The following MAGI1 variants were observed in gnomAD, a reference collection of about 807,000 sequenced individuals.
The protein encoded by MAGI1 is membrane associated guanylate kinase, WW and PDZ domain containing 1.
Under a neutral mutation model 139.9 loss-of-function variants are expected in MAGI1, and 58 were observed. The observed-to-expected ratio is 0.41, with a 90% CI of 0.34 to 0.52. The LOEUF (loss-of-function observed/expected upper bound fraction) is 0.52, where lower values mean the gene tolerates loss of function less well. Ranked by LOEUF, MAGI1 falls within the 20% of genes least tolerant of loss-of-function variation. The probability of loss-of-function intolerance (pLI) is 0.12; values close to 1 mark genes in which losing one functional copy is unlikely to be tolerated. For missense variants in MAGI1, 1,874 were observed against 1,901.6 expected (o/e 0.99, Z 0.27); for synonymous variants, 812 against 737.9 (o/e 1.10, Z -1.63).
chr3:65,727,185 G>C (rs897821269), intron 1 of MAGI1, among the ~76,000 whole-genome samples: 1 of 152,056 alleles, frequency 6.6e-6, no homozygotes, highest in African/African-American at 2.4e-5. Context: ...CATGCTGATA[G>C]AACATGTTAA....
At chr3:65,677,497 T>A (rs1004889133) in intron 1 of MAGI1, among the ~76,000 whole-genome samples, 1 of 152,142 alleles carries the variant, frequency 6.6e-6, no homozygotes, top group African/African-American at 2.4e-5. Context: ...AACTGACAGA[T>A]GCAATGAAGA....
chr3:65,864,576 G>A (rs2059657744), intron 1 of MAGI1, among the ~76,000 whole-genome samples: 1 of 152,210 alleles, frequency 6.6e-6, no homozygotes, highest in African/African-American at 2.4e-5. Flanking sequence ...CTGCACAGCT[G>A]CATAGCAGAA....
intron 2 of MAGI1, among the ~76,000 whole-genome samples, chr3:65,567,820 A>G (rs2080743423): frequency 6.6e-6 from 1 of 152,140 alleles, no homozygotes; most frequent in Non-Finnish European, 1.5e-5. Context: ...TGGGTGACAC[A>G]TGGAGACTCT....
chr3:65,826,199 G>C (rs999901072), intron 1 of MAGI1, among the ~76,000 whole-genome samples: 1 of 151,944 alleles, frequency 6.6e-6, no homozygotes, highest in Non-Finnish European at 1.5e-5. Flanking sequence ...AATTCTGTTT[G>C]CTTAATTTTA....
chr3:65,469,926 A>G (rs1362160731), intron 5 of MAGI1: 1 of 147,866 alleles, frequency 6.8e-6, no homozygotes, highest in African/African-American at 2.4e-5. Context: ...AAATATATTT[A>G]AATATTTATA....
chr3:65,449,856 C>G (rs1948919462), intron 6 of MAGI1, among the ~76,000 whole-genome samples: 1 of 152,026 alleles, frequency 6.6e-6, no homozygotes, highest in Non-Finnish European at 1.5e-5. Context: ...AAATTAAAAC[C>G]ATGATAAGTT....
At chr3:65,627,711 C>T (rs2371952) in intron 1 of MAGI1, among the ~76,000 whole-genome samples, 7,955 of 151,362 alleles carry the variant, frequency 0.053, 401 homozygotes, top group African/African-American at 0.13. Context: ...TTTCACCGTG[C>T]TAGCCAGGTT....
At chr3:65,720,322 G>A (rs1452184485) in intron 1 of MAGI1, among the ~76,000 whole-genome samples, 2 of 152,152 alleles carry the variant, frequency 1.3e-5, no homozygotes, top group Non-Finnish European at 2.9e-5. Context: ...TCTCTCTGCT[G>A]TGAAGTACCT....
At position 65,356,822 on chromosome 3, in the gene MAGI1, G is replaced by A; in HGVS notation, c.3945C>T (p.Ala1315=). Residue 1315 remains alanine (A), a synonymous_variant, in exon 23 of 23, where the codon GCC becomes GCT. Transcript: ENST00000402939. ...RDAQAERAAA[A]NGPKRRSPEK... is the part of the protein sequence containing the mutation. ...CTGGGGACCGCCTCTTGGGGCCGTT[G>A]GCGGCTGCCGCGCGCTCGGCCTGCG... 1 of 1,612,000 alleles carries A rather than the reference G, an allele frequency of 6.2e-7. No homozygotes were observed. Among genetic ancestry groups the A allele is most frequent in the Non-Finnish European group, 8.5e-7 (1 of 1,178,688 alleles).
At chr3:65,514,362 T>G (rs1229604818) in intron 2 of MAGI1, among the ~76,000 whole-genome samples, 1 of 72,694 alleles carries the variant, frequency 1.4e-5, no homozygotes, top group African/African-American at 4.8e-5. Flanking sequence ...ACCATCAGAG[T>G]GAACAGGCAA....
chr3:65,767,142 G>A (rs2037553268), intron 1 of MAGI1, among the ~76,000 whole-genome samples: 1 of 152,100 alleles, frequency 6.6e-6, no homozygotes, highest in Non-Finnish European at 1.5e-5. Context: ...GAACTCTCCA[G>A]ATCATCAAGT....
intron 2 of MAGI1, among the ~76,000 whole-genome samples, chr3:65,595,087 C>A (rs575525936): frequency 6.6e-6 from 1 of 152,286 alleles, no homozygotes; most frequent in Admixed American, 6.5e-5. Flanking sequence ...TGTTTAGCTC[C>A]TTTGTAAATA....
intron 1 of MAGI1, among the ~76,000 whole-genome samples, chr3:65,942,699 T>C (rs546294992): frequency 2.0e-5 from 3 of 152,318 alleles, no homozygotes; most frequent in East Asian, 3.9e-4. Flanking sequence ...GTTATGCAGA[T>C]CAAATTTTAT....
At position 66,038,391 on chromosome 3, in the gene MAGI1, C is replaced by T; in HGVS notation, c.-83G>A. 6.7e-7 allele frequency: 1 copy of T among 1,488,468 alleles called. No individual in the cohort carries two copies. The highest frequency in any genetic ancestry group is 1.4e-5 in the African/African-American group (1 of 71,378). 92.2% of individuals were successfully genotyped at this position (1,488,468 alleles called of 1,614,324 possible). A position where few individuals can be genotyped will look rare whatever the true frequency, so the allele number is the denominator to read the frequency against. On this transcript the variant is annotated 5_prime_UTR_variant, in exon 1 of 23. An upstream start codon of the reference 5' UTR is lost. Coordinates refer to ENST00000402939, the MANE Select transcript of MAGI1 (RefSeq NM_001033057.2). ...ACGAGCCCCCAAGCCTCCGCTTGTTCATGGGAGAAACATCTCTCCCCAAAT... is the reference window on the plus strand; with the variant it reads ...ACGAGCCCCCAAGCCTCCGCTTGTTTATGGGAGAAACATCTCTCCCCAAAT...
intron 1 of MAGI1, chr3:65,687,339 T>G (rs772983834): frequency 4.0e-6 from 1 of 249,686 alleles, no homozygotes; most frequent in Non-Finnish European, 8.5e-6. Flanking sequence ...GGTGGACACT[T>G]GGGCTCCAAA....
At position 65,429,707 on chromosome 3, in the gene MAGI1, A is replaced by G. The variant is rs1326044552; in HGVS notation, c.1980T>C (p.Ser660=). 1.2e-6 allele frequency: 2 copies of G among 1,613,932 alleles called. No individual in the cohort carries two copies. Among genetic ancestry groups the G allele is most frequent in the Non-Finnish European group, 1.7e-6 (2 of 1,179,954 alleles). The change falls in exon 12 of 23, where the codon AGT becomes AGC. Residue 660 remains serine (S), a synonymous_variant. Coordinates refer to ENST00000402939, the MANE Select transcript of MAGI1 (RefSeq NM_001033057.2). ...TCACTCTTTGGCCACCCCCACCAGG[A>G]CTGTCTGCGATAGTAAAACCAAAGC... is the stretch of plus-strand genomic sequence containing the variant. The part of the protein sequence containing the change: ...PMGFGFTIAD[S]PGGGGQRVKQ...
chr3:65,567,797 C>T (rs1291676153), intron 2 of MAGI1, among the ~76,000 whole-genome samples: 1 of 152,126 alleles, frequency 6.6e-6, no homozygotes, highest in Non-Finnish European at 1.5e-5. Context: ...GATCATGCCA[C>T]TGCACTCCAG....
intron 1 of MAGI1, among the ~76,000 whole-genome samples, chr3:65,661,745 GTTTTTTT>G (rs11369893): frequency 1.1e-5 from 1 of 93,920 alleles, no homozygotes; most frequent in Non-Finnish European, 2.0e-5. Flanking sequence ...GTTTTTTTCT[GTTTTTTT>G]TTTTTTTTTT....
At chr3:65,716,161 C>A (rs568991702) in intron 1 of MAGI1, among the ~76,000 whole-genome samples, 3 of 152,304 alleles carry the variant, frequency 2.0e-5, no homozygotes, top group African/African-American at 7.2e-5. Context: ...TAGACACCAT[C>A]TTCTTAGGAC....
Sources: gnomAD v4.1 joint callset for allele counts (sites outside exome capture counted in the v4.1 genomes callset) on GRCh38, gnomAD v4.1.1 for gene constraint, MANE v1.5 for transcripts, NCBI Gene and HGNC (gene_info 2026-07-23, HGNC 2026-07-21) for gene names.